Variants in ZNF154 observed in about 807,000 individuals in gnomAD.
The protein encoded by ZNF154 is zinc finger protein 154 (pHZ-92).
A neutral mutation model predicts 7.5 loss-of-function variants in ZNF154; 6 were observed. That is an observed-to-expected ratio of 0.80 (90% CI 0.44 to 1.57). The LOEUF (loss-of-function observed/expected upper bound fraction) is 1.57, where lower values mean the gene tolerates loss of function less well. Among genes scored for constraint, ZNF154 ranks in the 40% most tolerant of loss-of-function variants. The pLI is 0.01. For missense variants in ZNF154, 485 were observed against 531.4 expected (o/e 0.91, Z 0.86); for synonymous variants, 187 against 185.9 (o/e 1.01, Z -0.05).
At position 57,702,151 on chromosome 19, in the gene ZNF154, A is replaced by C; in HGVS notation, c.798T>G (p.Val266=). 1.2e-6 allele frequency: 2 copies of C among 1,613,374 alleles called. No individual in the cohort carries two copies. Among genetic ancestry groups the C allele is most frequent in the Non-Finnish European group, 1.7e-6 (2 of 1,179,920 alleles). ...QRSALLQHRG[V]HTGERPYECS... is the part of the protein sequence containing the mutation. ...ACTCATAAGGCCTCTCCCCAGTGTG[A>C]ACTCCCCGATGTTGAAGGAGTGCAG... The change falls in exon 3 of 3, where the codon GTT becomes GTG. Residue 266 remains valine, a synonymous_variant. Coordinates refer to ENST00000684351, the MANE Select transcript of ZNF154 (RefSeq NM_001085384.3).
At position 57,704,979 on chromosome 19, in the gene ZNF154, C is replaced by T; in HGVS notation, c.34G>A (p.Gly12Ser). 1 of 1,609,154 alleles carries T rather than the reference C, an allele frequency of 6.2e-7. No individual in the cohort carries two copies. The highest frequency in any genetic ancestry group is 8.5e-7 in the Non-Finnish European group (1 of 1,178,218). ...AAATLRTPTQ[G>S]TVTFEDVAVH... Reference sequence around the variant, plus strand: ...GCCACATCTTCAAAGGTCACAGTGCCCTGCCACAATGGGAACAGATGAAAC... The same window carrying T: ...GCCACATCTTCAAAGGTCACAGTGCTCTGCCACAATGGGAACAGATGAAAC... Residue 12 changes from glycine to serine, a missense_variant and splice_region_variant, in exon 2 of 3, where the codon GGC (glycine) becomes AGC (serine). Transcript: ENST00000684351.
intron 1 of ZNF154, among the ~76,000 whole-genome samples, chr19:57,705,800 T>C (rs1985364757): frequency 6.6e-6 from 1 of 150,568 alleles, no homozygotes; most frequent in Non-Finnish European, 1.5e-5. Flanking sequence ...ATTAATCATA[T>C]GTACATAGAA....
In ZNF154 at chr19:57,702,938, G is replaced by T. The variant is rs1371251043; in HGVS notation, c.161-150C>A. On this transcript the variant is annotated intron_variant, in intron 2 of 2. Transcript: ENST00000684351. The stretch of plus-strand genomic sequence containing the variant: ...GTGGGCCTTCTAGGGAGAAAGATCT[G>T]CCTTAGAAGTCCTGAGTTGGGTCAC... 6.7e-5 allele frequency: 50 copies of T among 750,292 alleles called. 1 individual carries two copies. In the Admixed American group the frequency reaches 1.5e-3, roughly 22 times the overall value. 46.5% of individuals were successfully genotyped at this position (750,292 alleles called of 1,614,324 possible).
rs549064195 is a variant in ZNF154, at chr19:57,702,650, G to T, written c.299C>A (p.Ala100Asp). ...CTGTTGATGGAGAAATCCCAACTTG[G>T]CCAGGAAGTCCTTCCCAACTTCTCT... ...TCREVGKDFLAKLGFLHQQAA... is the reference protein window; with the variant it reads ...TCREVGKDFLDKLGFLHQQAA... The change falls in exon 3 of 3, where the codon GCC (alanine) becomes GAC (aspartate). Residue 100 changes from alanine (A) to aspartate (D), a missense_variant. Ala to Asp is a moderately radical substitution (Grantham distance 126). Transcript: ENST00000684351. 3.0e-5 allele frequency: 49 copies of T among 1,614,042 alleles called. No individual in the cohort carries two copies. The African/African-American group carries it at 6.3e-4, about 21-fold the overall frequency.
At chr19:57,703,948 G>A (rs1985287195) in intron 2 of ZNF154, among the ~76,000 whole-genome samples, 1 of 152,128 alleles carries the variant, frequency 6.6e-6, no homozygotes, top group African/African-American at 2.4e-5. Context: ...GGCAGAGGTT[G>A]CAGTAAGCCG....
Position 57,698,304 on chromosome 19 carries a change from A to G in ZNF154, c.*3331T>C, listed in dbSNP as rs2122370863. The G allele has an allele frequency of 6.6e-6, 1 of 152,362 alleles. No individual in the cohort carries two copies. Among genetic ancestry groups the G allele is most frequent in the Middle Eastern group, 3.4e-3 (1 of 294 alleles). 9.4% of individuals were successfully genotyped at this position (152,362 alleles called of 1,614,324 possible). A position where few individuals can be genotyped will look rare whatever the true frequency, so the allele number is the denominator to read the frequency against. ...CCTATAGGCAGATAATTATTAAAGG[A>G]CAATGAGGTAACTTGTGGAATGACA... is the stretch of plus-strand genomic sequence containing the variant. On this transcript the variant is annotated 3_prime_UTR_variant, in exon 3 of 3. Transcript: ENST00000684351.
chr19:57,696,379 T>C lies in ZNF154; in HGVS notation c.*5256A>G, dbSNP rs915487341. ...AATGATAAGGCATCAACTCACTAGGTGCTGGGGATAGTGCTCGGCCCTGCT... is the reference window on the plus strand; with the variant it reads ...AATGATAAGGCATCAACTCACTAGGCGCTGGGGATAGTGCTCGGCCCTGCT... On this transcript the variant is annotated 3_prime_UTR_variant, in exon 3 of 3. Coordinates refer to ENST00000684351, the MANE Select transcript of ZNF154 (RefSeq NM_001085384.3). Among the ~76,000 whole-genome samples, 5 of 152,138 alleles carry C rather than the reference T, an allele frequency of 3.3e-5. No homozygotes were observed. The highest frequency in any genetic ancestry group is 5.9e-5 in the Non-Finnish European group (4 of 68,030).
intron 1 of ZNF154, among the ~76,000 whole-genome samples, chr19:57,707,430 T>G (rs1310887257): frequency 6.6e-6 from 1 of 152,160 alleles, no homozygotes; most frequent in East Asian, 1.9e-4. Context: ...ATCAGAAAAT[T>G]TAGTTGCTCC....
chr19:57,705,000 G>A (rs772200721), intron 1 of ZNF154, 21 bp from the exon 2 acceptor site: 1 of 1,597,068 alleles, frequency 6.3e-7, no homozygotes, highest in Non-Finnish European at 8.5e-7. Context: ...GGGAACAGAT[G>A]AAACCACCAA....
chr19:57,705,017 CT>C (rs1278948074), intron 1 of ZNF154, 38 bp from the exon 2 acceptor site: 2 of 1,583,694 alleles, frequency 1.3e-6, no homozygotes, highest in Non-Finnish European at 1.7e-6. Flanking sequence ...CCAAGAGCCC[CT>C]ATCCCAAGGA....
rs1413939923 is a variant in ZNF154 at position 57,697,698 on chromosome 19, A to G, written c.*3937T>C. On this transcript the variant is annotated 3_prime_UTR_variant, in exon 3 of 3. Coordinates refer to ENST00000684351, the MANE Select transcript of ZNF154 (RefSeq NM_001085384.3). The stretch of plus-strand genomic sequence containing the variant: ...TCCGGGAGTATAAGTAAAATAACGC[A>G]CTAGTACACATGAGGACCGATGAAA... 7.2e-5 allele frequency: 11 copies of G among 152,286 alleles called. No homozygotes were observed. In the East Asian group the frequency reaches 2.1e-3, roughly 29 times the overall value. 9.4% of individuals were successfully genotyped at this position (152,286 alleles called of 1,614,324 possible).
rs2122365330 is a variant in ZNF154, at chr19:57,697,094, C to T, written c.*4541G>A. 1.3e-5 allele frequency among the ~76,000 whole-genome samples: 2 copies of T among 152,332 alleles called. No homozygotes were observed. The highest frequency in any genetic ancestry group is 6.8e-3 in the Middle Eastern group (2 of 294). ...TGAAAACGTGTGTAATGGGCTACAT[C>T]TGCTAGGCCATATGAAGGAGTGAGG... is the stretch of plus-strand genomic sequence containing the variant. On this transcript the variant is annotated 3_prime_UTR_variant, in exon 3 of 3. Coordinates refer to ENST00000684351, the MANE Select transcript of ZNF154 (RefSeq NM_001085384.3).
chr19:57,703,920 A>G (rs1985286410), intron 2 of ZNF154, among the ~76,000 whole-genome samples: 1 of 152,068 alleles, frequency 6.6e-6, no homozygotes, highest in Non-Finnish European at 1.5e-5. Flanking sequence ...GAGGCAGGAG[A>G]ATTACTTGAA....
chr19:57,698,623 G>C lies in ZNF154; in HGVS notation c.*3012C>G, dbSNP rs1205863041. The stretch of plus-strand genomic sequence containing the variant: ...AAATTATTATCAGGTTAGTGCAAAA[G>C]TAATTGCCGTTTTTGCATGTTGGAT... On this transcript the variant is annotated 3_prime_UTR_variant, in exon 3 of 3. Transcript: ENST00000684351. 6.6e-6 allele frequency: 1 copy of C among 152,142 alleles called. No homozygotes were observed. The allele number at this position is 152,142 out of a possible 1,614,324, so 9.4% of individuals were successfully genotyped here.
chr19:57,702,126 A>G lies in ZNF154; in HGVS notation c.823T>C (p.Cys275Arg), dbSNP rs774822370. ...GTAAAAAACTTCCCACATTCACTGCACTCATAAGGCCTCTCCCCAGTGTGA... is the reference window on the plus strand; with the variant it reads ...GTAAAAAACTTCCCACATTCACTGCGCTCATAAGGCCTCTCCCCAGTGTGA... ...GVHTGERPYECSECGKFFTYH... is the reference protein window; with the variant it reads ...GVHTGERPYERSECGKFFTYH... Residue 275 changes from cysteine (C) to arginine (R), a missense_variant, in exon 3 of 3, where the codon TGC becomes CGC. Coordinates refer to ENST00000684351, the MANE Select transcript of ZNF154 (RefSeq NM_001085384.3). The G allele has an allele frequency of 9.3e-6, 15 of 1,612,126 alleles. No homozygotes were observed. The African/African-American group carries it at 9.5e-5, about 10-fold the overall frequency.
chr19:57,708,652 A>T (rs903143800), intron 1 of ZNF154, among the ~76,000 whole-genome samples: 7 of 152,182 alleles, frequency 4.6e-5, no homozygotes, highest in Non-Finnish European at 1.0e-4. Flanking sequence ...TCACAATGAC[A>T]GTACAACCCT....
Position 57,701,871 on chromosome 19 carries a change from T to C in ZNF154, c.1078A>G (p.Ser360Gly). 6.2e-7 allele frequency: 1 copy of C among 1,614,192 alleles called. No homozygotes were observed. The highest frequency in any genetic ancestry group is 8.5e-7 in the Non-Finnish European group (1 of 1,180,024). The change falls in exon 3 of 3, where the codon AGT (serine) becomes GGT (glycine). Residue 360 changes from serine (S) to glycine (G), a missense_variant. Physicochemically the swap from Ser to Gly is moderately conservative, Grantham distance 56. Coordinates refer to ENST00000684351, the MANE Select transcript of ZNF154 (RefSeq NM_001085384.3). ...TAGGGAAAGAACTTCCCACATTCAC[T>C]GCACTCATAAGGCCTCTCCCCAGTG... ...VHTGERPYECSECGKFFPYSS... is the reference protein window; with the variant it reads ...VHTGERPYECGECGKFFPYSS...
chr19:57,705,771 AAAG>A (rs1985363063), intron 1 of ZNF154, among the ~76,000 whole-genome samples: 1 of 107,262 alleles, frequency 9.3e-6, no homozygotes. Context: ...AAAAAAAAAG[AAAG>A]ATGATATAGC....
intron 1 of ZNF154, among the ~76,000 whole-genome samples, chr19:57,708,456 C>G (rs1031304733): frequency 6.6e-6 from 1 of 152,056 alleles, no homozygotes; most frequent in South Asian, 2.1e-4. Context: ...GCTTGTAATC[C>G]CAGCTGCTGG....
Sources: allele counts gnomAD v4.1 joint callset (sites outside exome capture counted in the v4.1 genomes callset), GRCh38; gene constraint gnomAD v4.1.1; transcripts MANE v1.5; gene names NCBI Gene and HGNC (gene_info 2026-07-23, HGNC 2026-07-21).